RPAP2: variants seen among roughly 807,000 people sequenced by gnomAD.
RPAP2 encodes putative RNA polymerase II subunit B1 CTD phosphatase RPAP2.
A neutral mutation model predicts 73.1 loss-of-function variants in RPAP2; 52 were observed. The ratio of observed to expected loss-of-function variants is 0.71; its 90% CI spans 0.57 to 0.90. The LOEUF is 0.90. RPAP2 is among the 40% of genes least tolerant of loss of function. The probability of loss-of-function intolerance (pLI) is 0.00; values close to 1 mark genes in which losing one functional copy is unlikely to be tolerated. For synonymous variants in RPAP2, 225 were observed against 242.1 expected (o/e 0.93, Z 0.65); for missense variants, 598 against 701.8 (o/e 0.85, Z 1.67).
At chr1:92,374,366 T>A (rs1039772986) in intron 11 of RPAP2, among the ~76,000 whole-genome samples, 3 of 152,200 alleles carry the variant, frequency 2.0e-5, no homozygotes, top group Non-Finnish European at 4.4e-5. Flanking sequence ...TTAAGTCTGT[T>A]CATTTTTCAC....
chr1:92,339,522 T>C (rs1328165973), intron 10 of RPAP2, among the ~76,000 whole-genome samples: 1 of 152,102 alleles, frequency 6.6e-6, no homozygotes, highest in East Asian at 1.9e-4. Flanking sequence ...AGTCCCTTGG[T>C]TTTCCTGCCT....
Position 92,391,653 on chromosome 1 carries a change from A to G in RPAP2, c.*4642A>G, listed in dbSNP as rs1473848422. 1 of 152,194 alleles carries G rather than the reference A, an allele frequency of 6.6e-6. No individual in the cohort carries two copies. The highest frequency in any genetic ancestry group is 1.5e-5 in the Non-Finnish European group (1 of 68,026). 9.4% of individuals were successfully genotyped at this position (152,194 alleles called of 1,614,324 possible). A position where few individuals can be genotyped will look rare whatever the true frequency, so the allele number is the denominator to read the frequency against. On this transcript the variant is annotated 3_prime_UTR_variant, in exon 13 of 13. Transcript: ENST00000610020. Reference sequence around the variant, plus strand: ...ACCGTTAGCAAGGCTAAAAAAGAAGAAAAGAGAGAAGAGTCAAATAGATGC... The same window carrying G: ...ACCGTTAGCAAGGCTAAAAAAGAAGGAAAGAGAGAAGAGTCAAATAGATGC...
At chr1:92,335,201 G>A (rs1653209200) in intron 9 of RPAP2, among the ~76,000 whole-genome samples, 1 of 152,030 alleles carries the variant, frequency 6.6e-6, no homozygotes, top group Non-Finnish European at 1.5e-5. Context: ...ACCAGCATTT[G>A]TTATTGCCTG....
At chr1:92,368,403 G>A (rs1178459984) in intron 11 of RPAP2, among the ~76,000 whole-genome samples, 3 of 152,040 alleles carry the variant, frequency 2.0e-5, no homozygotes, top group Non-Finnish European at 4.4e-5. Context: ...ATCCAAGTTC[G>A]TTACTGACTT....
At position 92,320,613 on chromosome 1, in the gene RPAP2, A is replaced by C; in HGVS notation, c.503A>C (p.Gln168Pro). 6.2e-7 allele frequency: 1 copy of C among 1,611,378 alleles called. No homozygotes were observed. The highest frequency in any genetic ancestry group is 2.2e-5 in the East Asian group (1 of 44,860). The change falls in exon 7 of 13, where the codon CAA becomes CCA. Residue 168 changes from glutamine (Q) to proline (P), a missense_variant. By Grantham distance (76) the Gln-to-Pro change is moderately conservative. This residue lies in a region of RPAP2 where 506 missense variants were observed against 612.8 expected (regional missense o/e 0.83). Transcript: ENST00000610020. Reference sequence around the variant, plus strand: ...TCTTATTACAGGCATCCTGATTTTCAACTGCTAAAGGAAGAACAAAGGTAT... The same window carrying C: ...TCTTATTACAGGCATCCTGATTTTCCACTGCTAAAGGAAGAACAAAGGTAT... ...VREEERHPDFQLLKEEQSGHS... is the reference protein window; with the variant it reads ...VREEERHPDFPLLKEEQSGHS...
At position 92,394,785 on chromosome 1, in the gene RPAP2, C is replaced by T. The variant is rs1238345195; in HGVS notation, c.*7774C>T. The T allele has an allele frequency of 6.6e-6, 1 of 152,190 alleles. No individual in the cohort carries two copies. Among genetic ancestry groups the T allele is most frequent in the Non-Finnish European group, 1.5e-5 (1 of 68,040 alleles). 9.4% of individuals were successfully genotyped at this position (152,190 alleles called of 1,614,324 possible). On this transcript the variant is annotated 3_prime_UTR_variant, in exon 13 of 13. Coordinates refer to ENST00000610020, the MANE Select transcript of RPAP2 (RefSeq NM_024813.3). ...TCCCCAAATTAATCTACAATGCAAT[C>T]CCTATCAAAATCACAGCAGGCTTTT...
At chr1:92,309,556 C>T (rs928587751) in intron 6 of RPAP2, among the ~76,000 whole-genome samples, 27 of 70,410 alleles carry the variant, frequency 3.8e-4, no homozygotes, top group African/African-American at 1.4e-3. Flanking sequence ...CATACACATA[C>T]ACATACACAT....
rs189366878 is a variant in RPAP2 at position 92,312,743 on chromosome 1, C to T, written c.488+5467C>T. 1.5e-3 allele frequency among the ~76,000 whole-genome samples: 225 copies of T among 152,268 alleles called. 1 individual carries two copies. The highest frequency in any genetic ancestry group is 5.1e-3 in the African/African-American group (214 of 41,568). Reference sequence around the variant, plus strand: ...CCCTCAAAGTCATCCATTAGGGTTACAATCAACTTCTTCCAAGCACTTGTT... The same window carrying T: ...CCCTCAAAGTCATCCATTAGGGTTATAATCAACTTCTTCCAAGCACTTGTT... On this transcript the variant is annotated intron_variant, in intron 6 of 12. Coordinates refer to ENST00000610020, the MANE Select transcript of RPAP2 (RefSeq NM_024813.3).
Position 92,324,184 on chromosome 1 carries a change from G to T in RPAP2, c.1264G>T (p.Ala422Ser). 1 of 1,614,096 alleles carries T rather than the reference G, an allele frequency of 6.2e-7. No homozygotes were observed. Among genetic ancestry groups the T allele is most frequent in the Non-Finnish European group, 8.5e-7 (1 of 1,179,942 alleles). Residue 422 changes from alanine to serine, a missense_variant, in exon 8 of 13, where the codon GCC becomes TCC. Physicochemically the swap from Ala to Ser is moderately conservative, Grantham distance 99. Coordinates refer to ENST00000610020, the MANE Select transcript of RPAP2 (RefSeq NM_024813.3). ...IISDPDSHFP[A>S]WRESQNSLDE... ...CTCAGATCCAGATAGTCATTTCCCT[G>T]CCTGGAGGGAATCTCAGAACAGCTT...
chr1:92,339,747 GGCTCATGTCTGTAA>G (rs1246149086), intron 10 of RPAP2, among the ~76,000 whole-genome samples: 3 of 152,016 alleles, frequency 2.0e-5, no homozygotes, highest in African/African-American at 7.3e-5. Context: ...CGGGCACAGT[GGCTCATGTCTGTAA>G]TCCCAGCACT....
At chr1:92,344,084 T>A (rs547494966) in intron 10 of RPAP2, among the ~76,000 whole-genome samples, 1 of 152,308 alleles carries the variant, frequency 6.6e-6, no homozygotes, top group South Asian at 2.1e-4. Context: ...TAAACAATAT[T>A]TAGTATTTAG....
chr1:92,378,271 C>T (rs529867793), intron 11 of RPAP2, among the ~76,000 whole-genome samples: 1 of 152,132 alleles, frequency 6.6e-6, no homozygotes, highest in African/African-American at 2.4e-5. Context: ...GCGGTGTGAT[C>T]TCTGCTCACT....
At chr1:92,300,162 T>G (rs1432724316) in intron 1 of RPAP2, 32 bp from the exon 2 acceptor site, 1 of 1,517,044 alleles carries the variant, frequency 6.6e-7, no homozygotes, top group African/African-American at 1.4e-5. Flanking sequence ...GGAAATGTCA[T>G]TATGTAGCAC....
At chr1:92,334,018 T>C (rs1349405412) in intron 9 of RPAP2, among the ~76,000 whole-genome samples, 1 of 152,220 alleles carries the variant, frequency 6.6e-6, no homozygotes, top group African/African-American at 2.4e-5. Context: ...AAAATTGCTA[T>C]CTTGGTTTTT....
At chr1:92,348,082 G>A (rs553252123) in intron 11 of RPAP2, among the ~76,000 whole-genome samples, 52 of 152,054 alleles carry the variant, frequency 3.4e-4, no homozygotes, top group African/African-American at 1.3e-3. Context: ...GTAGAGCTGG[G>A]GTTTCACCAT....
chr1:92,393,990 G>C lies in RPAP2; in HGVS notation c.*6979G>C, dbSNP rs899961250. The C allele has an allele frequency of 2.0e-5, 3 of 152,164 alleles. No homozygotes were observed. The highest frequency in any genetic ancestry group is 4.4e-5 in the Non-Finnish European group (3 of 68,036). 9.4% of individuals were successfully genotyped at this position (152,164 alleles called of 1,614,324 possible). ...CCCACTATTGGGCATATACCCAAAA[G>C]ATTATAAATCATTCTACAATAAAGA... On this transcript the variant is annotated 3_prime_UTR_variant, in exon 13 of 13. Transcript: ENST00000610020.
At chr1:92,357,923 A>C (rs1654559141) in intron 11 of RPAP2, among the ~76,000 whole-genome samples, 1 of 152,072 alleles carries the variant, frequency 6.6e-6, no homozygotes, top group African/African-American at 2.4e-5. Context: ...GTGGAGTTTC[A>C]TTTGCTCGTT....
chr1:92,334,810 C>T (rs144318973), intron 9 of RPAP2, among the ~76,000 whole-genome samples: 3,147 of 152,108 alleles, frequency 0.021, 46 homozygotes, highest in Middle Eastern at 0.037. Context: ...CACGGTGAAA[C>T]CCCATCTCTA....
At chr1:92,375,854 G>A (rs1361791934) in intron 11 of RPAP2, among the ~76,000 whole-genome samples, 1 of 150,682 alleles carries the variant, frequency 6.6e-6, no homozygotes, top group Non-Finnish European at 1.5e-5. Context: ...AAAAAATTTA[G>A]ATGGGTGTGG....
Sources: allele counts gnomAD v4.1 joint callset (sites outside exome capture counted in the v4.1 genomes callset), GRCh38; gene constraint gnomAD v4.1.1; regional missense constraint gnomAD v4.1.1; transcripts MANE v1.5; gene names NCBI Gene and HGNC (gene_info 2026-07-23, HGNC 2026-07-21).